ZFAT: variants seen among roughly 807,000 people sequenced by gnomAD.
The protein encoded by ZFAT is zinc finger protein ZFAT.
A neutral mutation model predicts 117.7 loss-of-function variants in ZFAT; 64 were observed. That is an observed-to-expected ratio of 0.54 (90% CI 0.44 to 0.67). The LOEUF (loss-of-function observed/expected upper bound fraction) is 0.67, where lower values mean the gene tolerates loss of function less well. ZFAT is among the 30% of genes least tolerant of loss of function. ZFAT has a pLI of 0.00. For synonymous variants in ZFAT, 679 were observed against 615.0 expected (o/e 1.10, Z -1.54); for missense variants, 1,433 against 1,584.5 (o/e 0.90, Z 1.62).
At chr8:134,630,218 G>A (rs950303144) in intron 3 of ZFAT, among the ~76,000 whole-genome samples, 8 of 152,202 alleles carry the variant, frequency 5.3e-5, no homozygotes, top group African/African-American at 9.7e-5. Context: ...GACCAAGCAC[G>A]GCTGGAGACC....
chr8:134,789,534 C>T, the ZFAT span, among the ~76,000 whole-genome samples: 5 of 152,282 alleles, frequency 3.3e-5, no homozygotes, highest in South Asian at 2.1e-4. Context: ...TTTGCCATCA[C>T]ATTTGGAGTG....
At chr8:134,595,573 T>G (rs556617910) in intron 7 of ZFAT, among the ~76,000 whole-genome samples, 1 of 152,320 alleles carries the variant, frequency 6.6e-6, no homozygotes, top group South Asian at 2.1e-4. Context: ...CTCATCCTAC[T>G]AAAATCGTCT....
intron 11 of ZFAT, among the ~76,000 whole-genome samples, chr8:134,547,916 T>C (rs951516260): frequency 2.6e-5 from 4 of 152,198 alleles, no homozygotes; most frequent in African/African-American, 7.2e-5. Context: ...ACACATGTTT[T>C]ATCTTGTATT....
chr8:134,745,259 G>A, the ZFAT span, among the ~76,000 whole-genome samples: 1 of 152,136 alleles, frequency 6.6e-6, no homozygotes. Context: ...TGTCTACCAC[G>A]GTTCCCTGGT....
intron 11 of ZFAT, among the ~76,000 whole-genome samples, chr8:134,544,082 C>T (rs1032192482): frequency 6.6e-6 from 1 of 152,158 alleles, no homozygotes; most frequent in African/African-American, 2.4e-5. Context: ...CTTTACTCCC[C>T]CTACCTTCAC....
At chr8:134,583,475 C>T (rs1349893649) in intron 10 of ZFAT, among the ~76,000 whole-genome samples, 2 of 152,118 alleles carry the variant, frequency 1.3e-5, no homozygotes, top group African/African-American at 4.8e-5. Context: ...CAAGGTTGCC[C>T]CTCAAGATCC....
chr8:134,500,253 C>G (rs1818873397), intron 15 of ZFAT, among the ~76,000 whole-genome samples: 1 of 152,164 alleles, frequency 6.6e-6, no homozygotes, highest in South Asian at 2.1e-4. Flanking sequence ...AGGCACCAAG[C>G]AAACAGTAAT....
At chr8:134,532,681 C>T (rs1006983704) in intron 12 of ZFAT, among the ~76,000 whole-genome samples, 153 bp downstream of exon 12, 14 of 152,282 alleles carry the variant, frequency 9.2e-5, no homozygotes, top group Middle Eastern at 3.4e-3. Flanking sequence ...ATGATAAGGA[C>T]GATGATGACA....
intron 2 of ZFAT, among the ~76,000 whole-genome samples, chr8:134,638,560 C>CAAAAAAAAAAAA (rs1563711719): frequency 7.9e-5 from 5 of 63,036 alleles, no homozygotes; most frequent in African/African-American, 3.8e-4. Context: ...AAAAAAAAAA[C>CAAAAAAAAAAAA]AAAACAAAAA....
chr8:134,488,222 C>T (rs759476065), intron 15 of ZFAT, among the ~76,000 whole-genome samples: 2 of 152,194 alleles, frequency 1.3e-5, no homozygotes, highest in Admixed American at 6.5e-5. Flanking sequence ...GGGCATTCGG[C>T]GGCCCTTTGC....
At chr8:134,793,983 CA>C in the ZFAT span, 1 of 152,152 alleles carries the variant, frequency 6.6e-6, no homozygotes, top group Non-Finnish European at 1.5e-5. Context: ...AATATGAAGT[CA>C]AAATGTGTAA....
chr8:134,734,010 C>T, the ZFAT span, among the ~76,000 whole-genome samples: 1 of 152,212 alleles, frequency 6.6e-6, no homozygotes, highest in African/African-American at 2.4e-5. Context: ...TGGATGAAAC[C>T]CTTAAACTTT....
intron 15 of ZFAT, among the ~76,000 whole-genome samples, chr8:134,486,042 T>C (rs930309519): frequency 6.6e-5 from 10 of 152,218 alleles, no homozygotes; most frequent in African/African-American, 2.4e-4. Context: ...ACGCAGAACC[T>C]ACCAAATTAT....
In ZFAT at chr8:134,564,192, CAAAAAAAAAAA is replaced by C. The variant is rs55811622; in HGVS notation, c.2976+1130_2976+1140del. On this transcript the variant is annotated intron_variant, in intron 11 of 15. Coordinates refer to ENST00000377838, the MANE Select transcript of ZFAT (RefSeq NM_020863.4). Reference sequence around the variant, plus strand: ...AAAAAAGAGGAGTGAGACTCCTTCTCAAAAAAAAAAAAAAAAAAAAAAAGAGTATCTAGATT... The same window carrying C: ...AAAAAAGAGGAGTGAGACTCCTTCTCAAAAAAAAAAAAGAGTATCTAGATT... 4.7e-4 allele frequency among the ~76,000 whole-genome samples: 27 copies of C among 57,484 alleles called. No individual in the cohort carries two copies. The South Asian group carries it at 9.3e-3, about 20-fold the overall frequency. The allele number at this position is 57,484 out of a possible 152,430, so 37.7% of individuals were successfully genotyped here.
intron 3 of ZFAT, among the ~76,000 whole-genome samples, chr8:134,629,838 G>A (rs149697268): frequency 2.6e-4 from 39 of 152,250 alleles, no homozygotes; most frequent in Admixed American, 2.0e-3. Flanking sequence ...GTGTGAAAAC[G>A]GACTAATACA....
At chr8:134,522,223 G>A (rs149068830) in intron 12 of ZFAT, among the ~76,000 whole-genome samples, 1 of 152,228 alleles carries the variant, frequency 6.6e-6, no homozygotes, top group Non-Finnish European at 1.5e-5. Context: ...CTCCACGGTA[G>A]AGCAGGAGCA....
intron 1 of ZFAT, among the ~76,000 whole-genome samples, chr8:134,682,981 A>C (rs1833143108): frequency 6.6e-6 from 1 of 152,198 alleles, no homozygotes; most frequent in Non-Finnish European, 1.5e-5. Flanking sequence ...GCTAGCCCTT[A>C]AGGCACCTCT....
chr8:134,666,548 G>A (rs1832227451), intron 1 of ZFAT, among the ~76,000 whole-genome samples: 1 of 152,178 alleles, frequency 6.6e-6, no homozygotes, highest in Non-Finnish European at 1.5e-5. Flanking sequence ...ATGACTTCAT[G>A]ATTAAGGATA....
At chr8:134,712,273 G>T (rs1004782696) in intron 1 of ZFAT, among the ~76,000 whole-genome samples, 2 of 152,218 alleles carry the variant, frequency 1.3e-5, no homozygotes, top group African/African-American at 4.8e-5. Context: ...TCTCAAGAGA[G>T]CTGAGCAGCA....
Sources: allele counts gnomAD v4.1 joint callset (sites outside exome capture counted in the v4.1 genomes callset), GRCh38; gene constraint gnomAD v4.1.1; transcripts MANE v1.5; gene names NCBI Gene and HGNC (gene_info 2026-07-23, HGNC 2026-07-21).